Variants in KCNK5 observed in about 807,000 individuals in gnomAD.
The protein encoded by KCNK5 is potassium channel subfamily K member 5.
Under a neutral mutation model 32.9 loss-of-function variants are expected in KCNK5, and 18 were observed. The ratio of observed to expected loss-of-function variants is 0.55; its 90% confidence interval spans 0.38 to 0.81. KCNK5 has a LOEUF of 0.81. Ranked by LOEUF, KCNK5 falls within the 30% of genes least tolerant of loss-of-function variation. The pLI, the probability that KCNK5 is intolerant of heterozygous loss-of-function variation, is 0.00. For missense variants in KCNK5, 507 were observed against 651.0 expected (o/e 0.78, Z 2.41); for synonymous variants, 276 against 275.3 (o/e 1.00, Z -0.03).
intron 1 of KCNK5, among the ~76,000 whole-genome samples, chr6:39,199,044 A>T (rs979407185): frequency 6.6e-6 from 1 of 152,182 alleles, no homozygotes; most frequent in Non-Finnish European, 1.5e-5. Flanking sequence ...CTAGGCAGTG[A>T]GTATACTGCA....
At chr6:39,204,213 A>T (rs62398611) in intron 1 of KCNK5, among the ~76,000 whole-genome samples, 10 of 152,200 alleles carry the variant, frequency 6.6e-5, no homozygotes, top group Non-Finnish European at 1.3e-4. Flanking sequence ...TGGAGTATGG[A>T]TCACATTTGA....
intron 1 of KCNK5, among the ~76,000 whole-genome samples, chr6:39,211,516 C>T (rs990415299): frequency 6.6e-6 from 1 of 152,186 alleles, no homozygotes; most frequent in Admixed American, 6.5e-5. Context: ...CATTAGAAAC[C>T]TCGGGTTCTG....
Position 39,194,695 on chromosome 6 carries a change from C to A in KCNK5, c.364G>T (p.Gly122Trp). Residue 122 changes from glycine to tryptophan, a missense_variant, in exon 3 of 5, where the codon GGG becomes TGG. Physicochemically the swap from Gly to Trp is radical, Grantham distance 184. Coordinates refer to ENST00000359534, the MANE Select transcript of KCNK5 (RefSeq NM_003740.4). The surrounding 1 kb of genome is among the most constrained non-coding windows in gnomAD (Gnocchi z 4.7). ...RLFCVFYGLF[G>W]VPLCLTWISA... Reference sequence around the variant, plus strand: ...ATCCACGTCAGGCAGAGCGGCACCCCGAAGAGACCATAGAAAACACAGAAG... The same window carrying A: ...ATCCACGTCAGGCAGAGCGGCACCCAGAAGAGACCATAGAAAACACAGAAG... 1 of 1,614,034 alleles carries A rather than the reference C, an allele frequency of 6.2e-7. No individual in the cohort carries two copies. The highest frequency in any genetic ancestry group is 8.5e-7 in the Non-Finnish European group (1 of 1,180,004).
At chr6:39,196,330 G>T (rs1312176414) in intron 1 of KCNK5, among the ~76,000 whole-genome samples, 4 of 152,174 alleles carry the variant, frequency 2.6e-5, no homozygotes, top group South Asian at 4.1e-4. Flanking sequence ...GGTCTAGAAG[G>T]AACATTTCTA....
chr6:39,222,784 A>C (rs1177525189), intron 1 of KCNK5, among the ~76,000 whole-genome samples: 1 of 152,246 alleles, frequency 6.6e-6, no homozygotes, highest in Non-Finnish European at 1.5e-5. Flanking sequence ...CCACTGTACA[A>C]AGCAAAAGAA....
chr6:39,191,478 G>T lies in KCNK5; in HGVS notation c.912C>A (p.Leu304=). 2 of 1,613,706 alleles carry T rather than the reference G, an allele frequency of 1.2e-6. No homozygotes were observed. The highest frequency in any genetic ancestry group is 2.2e-5 in the South Asian group (2 of 91,062). ...LSKKEETYND[L]IKQIGKKAMK... is the part of the protein sequence containing the mutation. ...TGGCCTTCTTCCCGATCTGCTTGAT[G>T]AGGTCGTTGTAGGTCTCTTCCTTCT... Residue 304 remains leucine (L), a synonymous_variant, in exon 5 of 5, where the codon CTC becomes CTA. Transcript: ENST00000359534. This position sits in a 1 kb window ranked among gnomAD's most constrained non-coding sequence, Gnocchi z 5.8.
Position 39,211,526 on chromosome 6 carries a change from G to A in KCNK5, c.187-15539C>T, listed in dbSNP as rs1771338143. Among the ~76,000 whole-genome samples, 7 of 152,188 alleles carry A rather than the reference G, an allele frequency of 4.6e-5. No individual in the cohort carries two copies. In the South Asian group the frequency reaches 1.2e-3, roughly 27 times the overall value. On this transcript the variant is annotated intron_variant, in intron 1 of 4. Transcript: ENST00000359534. ...TGTGGCATTAGAAACCTCGGGTTCT[G>A]GCCCAATACTCTAGTACTGCCCAAG...
At chr6:39,209,035 G>A (rs1771280130) in intron 1 of KCNK5, among the ~76,000 whole-genome samples, 1 of 152,040 alleles carries the variant, frequency 6.6e-6, no homozygotes, top group African/African-American at 2.4e-5. Context: ...AGGTTGCAGT[G>A]AGCTGAGATC....
intron 4 of KCNK5, among the ~76,000 whole-genome samples, chr6:39,193,080 G>A (rs1770968834): frequency 6.6e-6 from 1 of 152,234 alleles, no homozygotes; most frequent in African/African-American, 2.4e-5. Context: ...TAACACTCAT[G>A]AATAGTAATT....
At chr6:39,223,765 T>C (rs905276288) in intron 1 of KCNK5, among the ~76,000 whole-genome samples, 2 of 152,210 alleles carry the variant, frequency 1.3e-5, no homozygotes, top group Non-Finnish European at 2.9e-5. Flanking sequence ...AAGTTCAAGA[T>C]GAAAGCCTTT....
At position 39,229,412 on chromosome 6, in the gene KCNK5, C is replaced by T. The variant is rs1294354609; in HGVS notation, c.-301G>A. ...GGAGCGGGAAGAACACAGGACTTGA[C>T]TCTGGGCAGACACGTGGGCCGCTTC... is the stretch of plus-strand genomic sequence containing the variant. On this transcript the variant is annotated 5_prime_UTR_variant, in exon 1 of 5. Transcript: ENST00000359534. The T allele has an allele frequency of 4.8e-6, 2 of 418,748 alleles. No individual in the cohort carries two copies. The highest frequency in any genetic ancestry group is 4.4e-6 in the Non-Finnish European group (1 of 226,132). 25.9% of individuals were successfully genotyped at this position (418,748 alleles called of 1,614,324 possible). A position where few individuals can be genotyped will look rare whatever the true frequency, so the allele number is the denominator to read the frequency against.
In KCNK5 at chr6:39,191,313, T is replaced by C. The variant is rs1477230606; in HGVS notation, c.1077A>G (p.Ser359=). 5.0e-6 allele frequency: 8 copies of C among 1,614,014 alleles called. No individual in the cohort carries two copies. The highest frequency in any genetic ancestry group is 6.8e-6 in the Non-Finnish European group (8 of 1,180,012). Residue 359 remains serine, a synonymous_variant, in exon 5 of 5, where the codon TCA becomes TCG. Coordinates refer to ENST00000359534, the MANE Select transcript of KCNK5 (RefSeq NM_003740.4). The surrounding 1 kb of genome is among the most constrained non-coding windows in gnomAD (Gnocchi z 5.8). The part of the protein sequence containing the change: ...KNRVPTLEEV[S]QTLRSKGHVS... ...CGTGGCCTTTGCTCCTCAGTGTCTG[T>C]GACACCTCTTCCAAGGTGGGCACCC... is the stretch of plus-strand genomic sequence containing the variant.
At position 39,191,338 on chromosome 6, in the gene KCNK5, C is replaced by T. The variant is rs753027971; in HGVS notation, c.1052G>A (p.Arg351Gln). 62 of 1,613,716 alleles carry T rather than the reference C, an allele frequency of 3.8e-5. No homozygotes were observed. The East Asian group carries it at 7.4e-4, about 19-fold the overall frequency. The change falls in exon 5 of 5, where the codon CGG becomes CAG. Residue 351 changes from arginine to glutamine, a missense_variant. Coordinates refer to ENST00000359534, the MANE Select transcript of KCNK5 (RefSeq NM_003740.4). This position sits in a 1 kb window ranked among gnomAD's most constrained non-coding sequence, Gnocchi z 5.8. ...TGACACCTCTTCCAAGGTGGGCACC[C>T]GGTTCTTGGAGTAGACTACCAGGGG... ...LVPLVVYSKN[R>Q]VPTLEEVSQT...
intron 1 of KCNK5, among the ~76,000 whole-genome samples, chr6:39,198,825 T>C (rs1291386090): frequency 6.6e-6 from 1 of 152,182 alleles, no homozygotes; most frequent in Non-Finnish European, 1.5e-5. Flanking sequence ...ATGGGGTGGC[T>C]GTTTTGGATA....
intron 1 of KCNK5, among the ~76,000 whole-genome samples, chr6:39,201,786 G>C (rs948655432): frequency 2.0e-4 from 31 of 152,178 alleles, no homozygotes; most frequent in African/African-American, 7.0e-4. Flanking sequence ...ATGAAGACAA[G>C]CACCTAAATC....
At chr6:39,212,323 G>C (rs1771357017) in intron 1 of KCNK5, among the ~76,000 whole-genome samples, 1 of 152,214 alleles carries the variant, frequency 6.6e-6, no homozygotes, top group African/African-American at 2.4e-5. Flanking sequence ...GTAATGATTA[G>C]TAATATCAAG....
At chr6:39,213,417 T>G (rs1771375489) in intron 1 of KCNK5, among the ~76,000 whole-genome samples, 1 of 152,204 alleles carries the variant, frequency 6.6e-6, no homozygotes, top group Non-Finnish European at 1.5e-5. Context: ...CCACACACTT[T>G]AACTTGCATC....
At chr6:39,197,244 T>C (rs1450740769) in intron 1 of KCNK5, among the ~76,000 whole-genome samples, 1 of 152,062 alleles carries the variant, frequency 6.6e-6, no homozygotes, top group Non-Finnish European at 1.5e-5. Flanking sequence ...AGAGCATGAC[T>C]GAGGTTTGGT....
chr6:39,199,529 T>C (rs1392557633), intron 1 of KCNK5, among the ~76,000 whole-genome samples: 1 of 152,196 alleles, frequency 6.6e-6, no homozygotes, highest in Non-Finnish European at 1.5e-5. Flanking sequence ...TCCCCGGGGC[T>C]GCAAGCACTA....
Sources: allele counts gnomAD v4.1 joint callset (sites outside exome capture counted in the v4.1 genomes callset), GRCh38; gene constraint gnomAD v4.1.1; non-coding constraint Gnocchi (gnomAD v3.1); transcripts MANE v1.5; gene names NCBI Gene and HGNC (gene_info 2026-07-23, HGNC 2026-07-21).